Variants in KLHL41 observed in about 807,000 individuals in gnomAD.
KLHL41 encodes kelch-like protein 41.
In KLHL41, 31 loss-of-function variants were observed where a neutral mutation model predicts 49.2. That is an observed-to-expected ratio of 0.63 (90% CI 0.47 to 0.85). The LOEUF is 0.85. Among genes scored for constraint, KLHL41 ranks in the 40% least tolerant of loss-of-function variants. The pLI is 0.00. For synonymous variants in KLHL41, 218 were observed against 258.5 expected (o/e 0.84, Z 1.50); for missense variants, 663 against 726.7 (o/e 0.91, Z 1.01).
intron 5 of KLHL41, 91 bp from the exon 6 acceptor site, chr2:169,525,494 G>GT (rs1291115275): frequency 2.6e-6 from 2 of 774,660 alleles, no homozygotes; most frequent in Non-Finnish European, 2.2e-6. Context: ...AGCCACTAGG[G>GT]TTTTTTCAAA....
chr2:169,518,295 A>T lies in KLHL41; in HGVS notation c.1482A>T (p.Lys494Asn), dbSNP rs778531652. Residue 494 changes from lysine (K) to asparagine (N), a missense_variant, in exon 4 of 6, where the codon AAA becomes AAT. This residue lies in a region of KLHL41 where 528 missense variants were observed against 581.0 expected (regional missense o/e 0.91). Coordinates refer to ENST00000284669, the MANE Select transcript of KLHL41 (RefSeq NM_006063.3). The stretch of plus-strand genomic sequence containing the variant: ...CCATGTTTGGAGTAGCAGTCCATAA[A>T]GGCAAAATTGTGATTGCAGGAGGTG... Reference protein sequence around the residue: ...PRSMFGVAVHKGKIVIAGGVT... With the variant: ...PRSMFGVAVHNGKIVIAGGVT... The T allele has an allele frequency of 1.2e-5, 19 of 1,614,118 alleles. No homozygotes were observed. The Middle Eastern group carries it at 6.6e-4, about 56-fold the overall frequency.
At chr2:169,517,676 G>T (rs989453487) in intron 3 of KLHL41, among the ~76,000 whole-genome samples, 1 of 152,202 alleles carries the variant, frequency 6.6e-6, no homozygotes, top group African/African-American at 2.4e-5. Flanking sequence ...CAGATGATTT[G>T]TTGTCTAATC....
rs145649473 is a variant in KLHL41, at chr2:169,525,931, TTGTGAATC to T, written c.*239_*246del. 6.8e-4 allele frequency: 223 copies of T among 328,016 alleles called. No homozygotes were observed. Among genetic ancestry groups the T allele is most frequent in the Non-Finnish European group, 1.1e-3 (203 of 181,406 alleles). The allele number at this position is 328,016 out of a possible 1,614,324, so 20.3% of individuals were successfully genotyped here. The stretch of plus-strand genomic sequence containing the variant: ...TAAATCTTCAGTTGAACAAATTATT[TTGTGAATC>T]TGTTTCACTCAATGGATTGTAAAGA... On this transcript the variant is annotated 3_prime_UTR_variant, in exon 6 of 6. Coordinates refer to ENST00000284669, the MANE Select transcript of KLHL41 (RefSeq NM_006063.3).
intron 3 of KLHL41, among the ~76,000 whole-genome samples, chr2:169,515,577 G>A (rs962696828): frequency 1.3e-5 from 2 of 151,940 alleles, no homozygotes; most frequent in Non-Finnish European, 2.9e-5. Flanking sequence ...AAAACCAATG[G>A]GTTTTCTTAT....
chr2:169,510,950 T>A lies in KLHL41; in HGVS notation c.1110+62T>A, dbSNP rs868682858. 2.7e-5 allele frequency: 38 copies of A among 1,397,310 alleles called. No homozygotes were observed. The South Asian group carries it at 5.0e-4, about 18-fold the overall frequency. 86.6% of individuals were successfully genotyped at this position (1,397,310 alleles called of 1,614,324 possible). A position where few individuals can be genotyped will look rare whatever the true frequency, so the allele number is the denominator to read the frequency against. The stretch of plus-strand genomic sequence containing the variant: ...GGAAGGCTGTTACTCACCATCCAGT[T>A]AGCCAATTTGTGAATTATTCAAGCT... On this transcript the variant is annotated intron_variant, in intron 1 of 5. Transcript: ENST00000284669. This position sits in a 1 kb window ranked among gnomAD's most constrained non-coding sequence, Gnocchi z 4.2.
In KLHL41 at chr2:169,510,218, G is replaced by A. The variant is rs1684009828; in HGVS notation, c.440G>A (p.Cys147Tyr). 1 of 1,613,818 alleles carries A rather than the reference G, an allele frequency of 6.2e-7. No homozygotes were observed. The highest frequency in any genetic ancestry group is 1.7e-5 in the Admixed American group (1 of 59,980). ...AILRLGLLLDCPRLAISAREF... is the reference protein window; with the variant it reads ...AILRLGLLLDYPRLAISAREF... ...CTAAGATTAGGACTTCTTCTTGACT[G>A]CCCGAGACTCGCCATTTCTGCCCGT... Residue 147 changes from cysteine (C) to tyrosine (Y), a missense_variant, in exon 1 of 6, where the codon TGC becomes TAC. Physicochemically the swap from Cys to Tyr is radical, Grantham distance 194. Transcript: ENST00000284669. This position sits in a 1 kb window ranked among gnomAD's most constrained non-coding sequence, Gnocchi z 4.2.
chr2:169,525,583 A>C lies in KLHL41; in HGVS notation c.1710-2A>C, dbSNP rs1251146478. 1 of 1,571,110 alleles carries C rather than the reference A, an allele frequency of 6.4e-7. No homozygotes were observed. The highest frequency in any genetic ancestry group is 8.8e-7 in the Non-Finnish European group (1 of 1,141,506). ...TTGATTACTTTTTTTTTCCTCCATC[A>C]GGTATGAAGATGATAAAAAAGAATG... On this transcript the variant is annotated splice_acceptor_variant, in intron 5 of 5. Coordinates refer to ENST00000284669, the MANE Select transcript of KLHL41 (RefSeq NM_006063.3). LOFTEE classifies it high-confidence loss of function.
intron 5 of KLHL41, 48 bp downstream of exon 5, chr2:169,521,055 G>T: frequency 6.4e-7 from 1 of 1,557,456 alleles, no homozygotes; most frequent in Non-Finnish European, 8.8e-7. Flanking sequence ...TAAATCAGAT[G>T]ACTGATAAAC....
At chr2:169,518,951 A>G (rs1018551267) in intron 4 of KLHL41, among the ~76,000 whole-genome samples, 11 of 151,960 alleles carry the variant, frequency 7.2e-5, no homozygotes, top group African/African-American at 2.4e-4. Flanking sequence ...AAGTGCTAGG[A>G]TTATAGGTGT....
chr2:169,522,409 A>G (rs1684216439), intron 5 of KLHL41, among the ~76,000 whole-genome samples: 1 of 152,180 alleles, frequency 6.6e-6, no homozygotes, highest in African/African-American at 2.4e-5. Context: ...GAGAAAAAAA[A>G]TGAGATTTCC....
chr2:169,523,013 G>A (rs539665749), intron 5 of KLHL41, among the ~76,000 whole-genome samples: 8 of 151,986 alleles, frequency 5.3e-5, no homozygotes, highest in Admixed American at 3.3e-4. Flanking sequence ...GTCAGCCACC[G>A]AGCCCAGCCC....
chr2:169,521,336 C>T (rs1415798187), intron 5 of KLHL41, among the ~76,000 whole-genome samples: 2 of 152,162 alleles, frequency 1.3e-5, no homozygotes, highest in African/African-American at 4.8e-5. Context: ...AGCCTCTTTG[C>T]TCCAGAGTAG....
chr2:169,524,901 C>G (rs1015616426), intron 5 of KLHL41, among the ~76,000 whole-genome samples: 4 of 152,028 alleles, frequency 2.6e-5, no homozygotes, highest in Non-Finnish European at 5.9e-5. Flanking sequence ...AGAAAGGTTT[C>G]AGAGAGAAGG....
intron 4 of KLHL41, 51 bp from the exon 5 acceptor site, chr2:169,520,810 A>G: frequency 7.3e-7 from 1 of 1,367,434 alleles, no homozygotes; most frequent in Non-Finnish European, 1.0e-6. Flanking sequence ...CAGTAAGTAC[A>G]TCTGGCATTT....
chr2:169,525,198 A>G (rs372374157), intron 5 of KLHL41, among the ~76,000 whole-genome samples: 2 of 152,234 alleles, frequency 1.3e-5, no homozygotes, highest in East Asian at 3.8e-4. Context: ...AATTAAGTCT[A>G]CCGATAGTCC....
At chr2:169,522,758 T>C (rs1293469558) in intron 5 of KLHL41, among the ~76,000 whole-genome samples, 2 of 117,570 alleles carry the variant, frequency 1.7e-5, no homozygotes, top group Non-Finnish European at 3.3e-5. Context: ...AGTCTCACTC[T>C]GTCACCCAGG....
intron 5 of KLHL41, 121 bp downstream of exon 5, chr2:169,521,128 T>TAAAC: frequency 1.2e-6 from 1 of 838,996 alleles, no homozygotes; most frequent in Admixed American, 2.4e-5. Context: ...GGTAGTAGAC[T>TAAAC]AAACACTTCA....
intron 1 of KLHL41, 73 bp from the exon 2 acceptor site, chr2:169,514,501 G>T: frequency 1.6e-6 from 2 of 1,290,002 alleles, no homozygotes; most frequent in Non-Finnish European, 1.1e-6. Context: ...AACATATAAA[G>T]TATAACTTTT....
At chr2:169,520,580 T>G (rs1339083934) in intron 4 of KLHL41, among the ~76,000 whole-genome samples, 1 of 151,958 alleles carries the variant, frequency 6.6e-6, no homozygotes, top group Non-Finnish European at 1.5e-5. Context: ...GCCTCCCAAA[T>G]AGCTGAAATT....
Sources: gnomAD v4.1 joint callset for allele counts (sites outside exome capture counted in the v4.1 genomes callset) on GRCh38, gnomAD v4.1.1 for gene constraint, gnomAD v4.1.1 regional missense constraint, Gnocchi (gnomAD v3.1) non-coding constraint, MANE v1.5 for transcripts, NCBI Gene and HGNC (gene_info 2026-07-23, HGNC 2026-07-21) for gene names.